The following ZBTB8A variants were observed in gnomAD, a reference collection of about 807,000 sequenced individuals.
The protein encoded by ZBTB8A is zinc finger and BTB domain containing 8A.
Under a neutral mutation model 37.8 loss-of-function variants are expected in ZBTB8A, and 19 were observed. The ratio of observed to expected loss-of-function variants is 0.50; its 90% CI spans 0.35 to 0.74. The LOEUF is 0.74. ZBTB8A is among the 30% of genes least tolerant of loss of function. The pLI is 0.01. For synonymous variants in ZBTB8A, 181 were observed against 185.2 expected (o/e 0.98, Z 0.19); for missense variants, 394 against 537.8 (o/e 0.73, Z 2.65).
rs1321010045 is a variant in ZBTB8A, at chr1:32,605,610, C to G, written c.*5191C>G. ...ATCCCAGCTACTCTGGGGGCTGAGA[C>G]AGGAGAATTGCTTGAACTCAGGAGG... On this transcript the variant is annotated 3_prime_UTR_variant, in exon 5 of 5. Coordinates refer to ENST00000373510, the MANE Select transcript of ZBTB8A (RefSeq NM_001040441.3). The G allele has an allele frequency of 6.9e-6, 1 of 144,936 alleles. No individual in the cohort carries two copies. Among genetic ancestry groups the G allele is most frequent in the Non-Finnish European group, 1.5e-5 (1 of 67,442 alleles). The allele number at this position is 144,936 out of a possible 1,614,324, so 9.0% of individuals were successfully genotyped here.
At chr1:32,594,912 A>G (rs1244515191) in intron 3 of ZBTB8A, 142 bp from the exon 4 acceptor site, 3 of 883,448 alleles carry the variant, frequency 3.4e-6, no homozygotes, top group South Asian at 5.4e-5. Context: ...GGGCTAACCA[A>G]CTCCTTGTGA....
intron 1 of ZBTB8A, among the ~76,000 whole-genome samples, chr1:32,552,443 T>G (rs1644164099): frequency 6.6e-6 from 1 of 152,174 alleles, no homozygotes. Context: ...GAAGATTGCC[T>G]GAGGTCGGTC....
At chr1:32,562,937 T>C (rs947860521) in intron 2 of ZBTB8A, among the ~76,000 whole-genome samples, 4 of 152,128 alleles carry the variant, frequency 2.6e-5, no homozygotes, top group Non-Finnish European at 5.9e-5. Context: ...TATTTTGGTA[T>C]TATAAAATGT....
intron 2 of ZBTB8A, among the ~76,000 whole-genome samples, chr1:32,553,880 C>T (rs1453991279): frequency 2.2e-4 from 21 of 94,372 alleles, no homozygotes; most frequent in African/African-American, 8.4e-4. Flanking sequence ...GAGCGAAACT[C>T]TGTCTCAAAA....
chr1:32,545,125 T>C (rs916720543), intron 1 of ZBTB8A, among the ~76,000 whole-genome samples: 4 of 152,192 alleles, frequency 2.6e-5, no homozygotes, highest in Admixed American at 2.6e-4. Context: ...ACCAGCAGTG[T>C]GTGAAGGTTC....
intron 2 of ZBTB8A, among the ~76,000 whole-genome samples, chr1:32,560,251 G>T (rs990190910): frequency 1.3e-5 from 2 of 152,118 alleles, no homozygotes; most frequent in Non-Finnish European, 2.9e-5. Flanking sequence ...CAACACTGGG[G>T]ATTACAATTC....
rs796078845 is a variant in ZBTB8A at position 32,603,006 on chromosome 1, C to T, written c.*2587C>T. 16 of 152,228 alleles carry T rather than the reference C, an allele frequency of 1.1e-4. No homozygotes were observed. Among genetic ancestry groups the T allele is most frequent in the African/African-American group, 3.9e-4 (16 of 41,526 alleles). The allele number at this position is 152,228 out of a possible 1,614,324, so 9.4% of individuals were successfully genotyped here. On this transcript the variant is annotated 3_prime_UTR_variant, in exon 5 of 5. Transcript: ENST00000373510. ...AAAAAATTTAAAAATAGATGAATAA[C>T]CACTTGTTTCATGGTACTTAATTGA...
chr1:32,593,409 A>C lies in ZBTB8A; in HGVS notation c.478A>C (p.Ser160Arg), dbSNP rs1644504911. ...FYSGGWQEGSSSPRSHLSPEQ... is the reference protein window; with the variant it reads ...FYSGGWQEGSRSPRSHLSPEQ... ...TAGTGGTGGCTGGCAAGAAGGAAGC[A>C]GTTCTCCACGTTCTCACCTAAGCCC... The change falls in exon 3 of 5, where the codon AGT (serine) becomes CGT (arginine). Residue 160 changes from serine (S) to arginine (R), a missense_variant. Physicochemically the swap from Ser to Arg is moderately radical, Grantham distance 110. Around this residue, in one of 4 missense-constraint regions of ZBTB8A, gnomAD observed 171 missense variants for 186.8 expected, o/e 0.92. Coordinates refer to ENST00000373510, the MANE Select transcript of ZBTB8A (RefSeq NM_001040441.3). The C allele has an allele frequency of 9.3e-6, 15 of 1,614,088 alleles. No individual in the cohort carries two copies. Among genetic ancestry groups the C allele is most frequent in the Non-Finnish European group, 1.3e-5 (15 of 1,180,036 alleles).
intron 4 of ZBTB8A, among the ~76,000 whole-genome samples, chr1:32,597,777 T>C (rs1455942969): frequency 6.6e-6 from 1 of 152,158 alleles, no homozygotes; most frequent in Non-Finnish European, 1.5e-5. Flanking sequence ...TGAGACAGAG[T>C]CTCGTTCTGT....
intron 2 of ZBTB8A, among the ~76,000 whole-genome samples, chr1:32,584,420 T>A (rs1053475431): frequency 6.6e-6 from 1 of 152,066 alleles, no homozygotes; most frequent in African/African-American, 2.4e-5. Flanking sequence ...TAATTTACGA[T>A]TTTTTAAGTT....
At chr1:32,588,466 G>C (rs1232371179) in intron 2 of ZBTB8A, among the ~76,000 whole-genome samples, 1 of 151,950 alleles carries the variant, frequency 6.6e-6, no homozygotes, top group Non-Finnish European at 1.5e-5. Flanking sequence ...TGAGGCCTGA[G>C]ACCCAATACA....
At position 32,600,518 on chromosome 1, in the gene ZBTB8A, C is replaced by T. The variant is rs770631648; in HGVS notation, c.*99C>T. On this transcript the variant is annotated 3_prime_UTR_variant, in exon 5 of 5. Coordinates refer to ENST00000373510, the MANE Select transcript of ZBTB8A (RefSeq NM_001040441.3). The stretch of plus-strand genomic sequence containing the variant: ...CGGAGTCTAGTTAACAAATTTATCA[C>T]ACTGACTTTAAAGAAATGATCTGAT... 4.6e-5 allele frequency: 40 copies of T among 862,464 alleles called. No homozygotes were observed. Among genetic ancestry groups the T allele is most frequent in the Non-Finnish European group, 6.2e-5 (35 of 560,094 alleles). The allele number at this position is 862,464 out of a possible 1,614,324, so 53.4% of individuals were successfully genotyped here. A position where few individuals can be genotyped will look rare whatever the true frequency, so the allele number is the denominator to read the frequency against.
At chr1:32,565,341 GAA>G (rs1335484390) in intron 2 of ZBTB8A, among the ~76,000 whole-genome samples, 1 of 151,672 alleles carries the variant, frequency 6.6e-6, no homozygotes, top group Non-Finnish European at 1.5e-5. Flanking sequence ...CCCAAAAAAA[GAA>G]AAGAAAAAAA....
chr1:32,574,975 G>C (rs186259855), intron 2 of ZBTB8A, among the ~76,000 whole-genome samples: 16 of 151,942 alleles, frequency 1.1e-4, no homozygotes, highest in Non-Finnish European at 2.2e-4. Flanking sequence ...GTGTCTCTCT[G>C]TGTTGCCCAG....
chr1:32,600,108 A>C lies in ZBTB8A; in HGVS notation c.1015A>C (p.Ile339Leu). The change falls in exon 5 of 5, where the codon ATC becomes CTC. Residue 339 changes from isoleucine (I) to leucine (L), a missense_variant. This residue lies in a region of ZBTB8A where 42 missense variants were observed against 96.4 expected (regional missense o/e 0.44). Coordinates refer to ENST00000373510, the MANE Select transcript of ZBTB8A (RefSeq NM_001040441.3). ...ACAGATTCACCAGGCATGTAAACTCATCTGCAGAAAATGTAAACGTCATGT... is the reference window on the plus strand; with the variant it reads ...ACAGATTCACCAGGCATGTAAACTCCTCTGCAGAAAATGTAAACGTCATGT... ...FRTIHQACKL[I>L]CRKCKRHVTD... The C allele has an allele frequency of 6.2e-7, 1 of 1,613,364 alleles. No homozygotes were observed. Among genetic ancestry groups the C allele is most frequent in the Non-Finnish European group, 8.5e-7 (1 of 1,179,278 alleles).
chr1:32,584,294 T>C (rs763053332), intron 2 of ZBTB8A, among the ~76,000 whole-genome samples: 6 of 152,130 alleles, frequency 3.9e-5, no homozygotes, highest in Non-Finnish European at 8.8e-5. Context: ...ACAATAAAAT[T>C]ATATTTTTTT....
intron 2 of ZBTB8A, among the ~76,000 whole-genome samples, chr1:32,560,997 T>A (rs1644240187): frequency 6.6e-6 from 1 of 152,114 alleles, no homozygotes; most frequent in East Asian, 1.9e-4. Flanking sequence ...TCACTGCCAA[T>A]GATGTTCTTA....
chr1:32,547,766 A>T (rs1321121144), intron 1 of ZBTB8A, among the ~76,000 whole-genome samples: 1 of 144,308 alleles, frequency 6.9e-6, no homozygotes, highest in East Asian at 2.1e-4. Flanking sequence ...CTGTGATCTC[A>T]CCACTGCACT....
intron 2 of ZBTB8A, among the ~76,000 whole-genome samples, chr1:32,569,015 A>G (rs34544263): frequency 0.1 from 15,694 of 152,206 alleles, 1,043 homozygotes; most frequent in Middle Eastern, 0.2. Context: ...TAGAGTAGGT[A>G]TAACTTTATT....
Sources: allele counts gnomAD v4.1 joint callset (sites outside exome capture counted in the v4.1 genomes callset), GRCh38; gene constraint gnomAD v4.1.1; regional missense constraint gnomAD v4.1.1; transcripts MANE v1.5; gene names NCBI Gene and HGNC (gene_info 2026-07-23, HGNC 2026-07-21).